The following SOX5 variants were observed in gnomAD, a reference collection of about 807,000 sequenced individuals.
SOX5 encodes transcription factor SOX-5.
Under a neutral mutation model 92.0 loss-of-function variants are expected in SOX5, and 9 were observed. The observed-to-expected ratio is 0.10, with a 90% CI of 0.06 to 0.17. The LOEUF is 0.17. SOX5 is among the 10% of genes least tolerant of loss of function. The pLI, the probability that SOX5 is intolerant of heterozygous loss-of-function variation, is 1.00. For missense variants in SOX5, 642 were observed against 944.5 expected (o/e 0.68, Z 4.20); for synonymous variants, 344 against 336.3 (o/e 1.02, Z -0.25).
chr12:24,371,586 G>C (rs1418573966), intron 1 of SOX5, among the ~76,000 whole-genome samples: 1 of 152,162 alleles, frequency 6.6e-6, no homozygotes, highest in Non-Finnish European at 1.5e-5. Flanking sequence ...TCAGTTATGG[G>C]CTACGTTTCC....
chr12:23,605,492 TAC>T (rs112964619), intron 8 of SOX5, among the ~76,000 whole-genome samples: 18,695 of 149,194 alleles, frequency 0.13, 1,329 homozygotes, highest in African/African-American at 0.19. Flanking sequence ...AAATAAATTT[TAC>T]ACACACACAC....
chr12:24,263,774 T>C (rs1942613878), intron 3 of SOX5, among the ~76,000 whole-genome samples: 1 of 152,160 alleles, frequency 6.6e-6, no homozygotes. Context: ...TTTACCTACG[T>C]AGCATTTCTA....
At chr12:23,787,325 G>A (rs746336517) in intron 3 of SOX5, among the ~76,000 whole-genome samples, 9 of 151,858 alleles carry the variant, frequency 5.9e-5, no homozygotes, top group South Asian at 2.1e-4. Flanking sequence ...TACCAAAGTC[G>A]TCTGCTCTGT....
intron 3 of SOX5, among the ~76,000 whole-genome samples, chr12:24,270,622 T>C (rs1943605896): frequency 6.6e-6 from 1 of 152,228 alleles, no homozygotes; most frequent in Non-Finnish European, 1.5e-5. Flanking sequence ...ACTGGCACTC[T>C]CTCTTGAGTT....
At chr12:24,542,900 C>T (rs1009580101) in intron 1 of SOX5, among the ~76,000 whole-genome samples, 1 of 152,154 alleles carries the variant, frequency 6.6e-6, no homozygotes, top group Admixed American at 6.6e-5. Context: ...AACTAAGAAG[C>T]ATTCAATATA....
At position 24,429,625 on chromosome 12, in the gene SOX5, TACAC is replaced by T. The variant is rs148679940; in HGVS notation, c.-250-60990_-250-60987del. Among the ~76,000 whole-genome samples the T allele has an allele frequency of 4.2e-3, 593 of 140,718 alleles. 10 individuals carry two copies. Among genetic ancestry groups the T allele is most frequent in the East Asian group, 1.5e-3 (7 of 4,796 alleles). The allele number at this position is 140,718 out of a possible 152,430, so 92.3% of individuals were successfully genotyped here. A position where few individuals can be genotyped will look rare whatever the true frequency, so the allele number is the denominator to read the frequency against. ...GGAAACACACATACACACACACACA[TACAC>T]ACACACACACACACACACACACCCC... On this transcript the variant is annotated intron_variant, in intron 1 of 4. Coordinates refer to the SOX5 transcript ENST00000446891.
intron 3 of SOX5, among the ~76,000 whole-genome samples, chr12:24,276,560 C>T (rs1471726514): frequency 1.3e-5 from 2 of 152,158 alleles, no homozygotes; most frequent in Non-Finnish European, 2.9e-5. Flanking sequence ...TCTGCAGTTA[C>T]CTGCATGATG....
intron 3 of SOX5, among the ~76,000 whole-genome samples, chr12:24,269,688 C>CTTTTT (rs58098308): frequency 3.4e-5 from 4 of 116,718 alleles, no homozygotes; most frequent in African/African-American, 6.5e-5. Flanking sequence ...TATTTTTATT[C>CTTTTT]TTTTTTTTTT....
At chr12:23,741,751 T>C (rs2093805202) in intron 4 of SOX5, among the ~76,000 whole-genome samples, 1 of 152,196 alleles carries the variant, frequency 6.6e-6, no homozygotes, top group Admixed American at 6.5e-5. Flanking sequence ...AATATAGCAA[T>C]TGTGAGATAA....
chr12:24,499,917 T>C (rs1948030916), intron 1 of SOX5, among the ~76,000 whole-genome samples: 1 of 152,198 alleles, frequency 6.6e-6, no homozygotes, highest in African/African-American at 2.4e-5. Context: ...TCAAAAGCCC[T>C]TTGCAAAATA....
At chr12:23,554,993 T>TA (rs1224505650) in intron 11 of SOX5, among the ~76,000 whole-genome samples, 1 of 152,146 alleles carries the variant, frequency 6.6e-6, no homozygotes, top group African/African-American at 2.4e-5. Flanking sequence ...CACTCTTTGA[T>TA]AGGCTAGGCT....
chr12:23,798,883 C>T (rs2095611948), intron 3 of SOX5, among the ~76,000 whole-genome samples: 1 of 151,918 alleles, frequency 6.6e-6, no homozygotes, highest in Non-Finnish European at 1.5e-5. Flanking sequence ...AGCAAATATA[C>T]ATGTACATTT....
At chr12:23,880,170 T>C (rs1210008400) in intron 2 of SOX5, among the ~76,000 whole-genome samples, 3 of 152,162 alleles carry the variant, frequency 2.0e-5, no homozygotes, top group Non-Finnish European at 2.9e-5. Context: ...AAGAACAATA[T>C]GTAAGTGCAT....
intron 1 of SOX5, among the ~76,000 whole-genome samples, chr12:24,547,311 C>G (rs914528040): frequency 6.6e-6 from 1 of 151,262 alleles, no homozygotes; most frequent in Non-Finnish European, 1.5e-5. Context: ...CCTGCCTCAG[C>G]CTCCCGAGTA....
rs1036185110 is a variant in SOX5, at chr12:23,558,364, A to C, written c.1488+4894T>G. On this transcript the variant is annotated intron_variant, in intron 11 of 14. Coordinates refer to ENST00000451604, the MANE Select transcript of SOX5 (RefSeq NM_006940.6). The stretch of plus-strand genomic sequence containing the variant: ...AGATGTTTGTGGAAGTCAGCTTGAG[A>C]AGAGGAATGAAATACCCCCGTATGA... 4.6e-5 allele frequency among the ~76,000 whole-genome samples: 7 copies of C among 152,200 alleles called. No homozygotes were observed. The East Asian group carries it at 1.2e-3, about 25-fold the overall frequency.
chr12:23,916,629 G>A (rs1286346647), intron 1 of SOX5, among the ~76,000 whole-genome samples: 1 of 151,972 alleles, frequency 6.6e-6, no homozygotes. Flanking sequence ...ATAATCTAAG[G>A]GAAATTTATA....
chr12:23,924,040 G>A (rs1939238919), intron 1 of SOX5, among the ~76,000 whole-genome samples: 1 of 152,142 alleles, frequency 6.6e-6, no homozygotes, highest in Non-Finnish European at 1.5e-5. Context: ...CATTGAGGGA[G>A]AATTTTTGTC....
In SOX5 at chr12:23,652,447, T is replaced by C. The variant is rs944137758; in HGVS notation, c.932-11550A>G. Among the ~76,000 whole-genome samples, 3 of 152,022 alleles carry C rather than the reference T, an allele frequency of 2.0e-5. No individual in the cohort carries two copies. In the East Asian group the frequency reaches 5.8e-4, roughly 29 times the overall value. The stretch of plus-strand genomic sequence containing the variant: ...TTTATCTGAATGATCTTATCCAATC[T>C]CATGGTTCAGCAACCATATACAAAC... On this transcript the variant is annotated intron_variant, in intron 7 of 14. Coordinates refer to ENST00000451604, the MANE Select transcript of SOX5 (RefSeq NM_006940.6).
At chr12:24,240,819 C>T (rs1314587330) in intron 3 of SOX5, among the ~76,000 whole-genome samples, 5 of 152,174 alleles carry the variant, frequency 3.3e-5, no homozygotes, top group Non-Finnish European at 1.5e-5. Context: ...GTTTTCCATA[C>T]AGCCATTCTA....
Sources: gnomAD v4.1 joint callset for allele counts (sites outside exome capture counted in the v4.1 genomes callset) on GRCh38, gnomAD v4.1.1 for gene constraint, MANE v1.5 for transcripts, NCBI Gene and HGNC (gene_info 2026-07-23, HGNC 2026-07-21) for gene names.